PTPRA: variants seen among roughly 807,000 people sequenced by gnomAD.
PTPRA encodes the protein receptor-type tyrosine-protein phosphatase alpha.
In PTPRA, 25 loss-of-function variants were observed where a neutral mutation model predicts 104.8. The observed-to-expected ratio is 0.24, with a 90% CI of 0.17 to 0.33. The LOEUF (loss-of-function observed/expected upper bound fraction) is 0.33, where lower values mean the gene tolerates loss of function less well. Among genes scored for constraint, PTPRA ranks in the 10% least tolerant of loss-of-function variants. The pLI is 1.00. For missense variants in PTPRA, 765 were observed against 1,015.3 expected, an observed-to-expected ratio of 0.75 and a Z score of 3.35; for synonymous variants, 323 against 368.9, an observed-to-expected ratio of 0.88 and a Z score of 1.43.
intron 5 of PTPRA, among the ~76,000 whole-genome samples, chr20:2,974,496 G>A (rs964478870): frequency 3.3e-5 from 5 of 151,098 alleles, no homozygotes; most frequent in Admixed American, 2.0e-4. Context: ...GCATGATCTC[G>A]GCTCACTGCA....
chr20:3,019,627 C>T lies in PTPRA; in HGVS notation c.1042-1682C>T, dbSNP rs562185981. 2.2e-4 allele frequency among the ~76,000 whole-genome samples: 30 copies of T among 139,534 alleles called. No individual in the cohort carries two copies. In the East Asian group the frequency reaches 4.0e-3, roughly 19 times the overall value. The allele number at this position is 139,534 out of a possible 152,430, so 91.5% of individuals were successfully genotyped here. A position where few individuals can be genotyped will look rare whatever the true frequency, so the allele number is the denominator to read the frequency against. Reference sequence around the variant, plus strand: ...GCAGAGGGGCTCCTCACATCCCAGACGATGGGCGGCCGGGCAGAGACGCTC... The same window carrying T: ...GCAGAGGGGCTCCTCACATCCCAGATGATGGGCGGCCGGGCAGAGACGCTC... On this transcript the variant is annotated intron_variant, in intron 13 of 23. Coordinates refer to ENST00000399903, the MANE Select transcript of PTPRA (RefSeq NM_001385305.1).
intron 11 of PTPRA, among the ~76,000 whole-genome samples, chr20:3,010,236 C>T (rs375183498): frequency 6.6e-6 from 1 of 152,104 alleles, no homozygotes; most frequent in Non-Finnish European, 1.5e-5. Flanking sequence ...GACATACTTA[C>T]AAAACCAGGT....
chr20:2,867,650 G>C, the PTPRA span, among the ~76,000 whole-genome samples: 8 of 152,258 alleles, frequency 5.3e-5, no homozygotes, highest in African/African-American at 1.9e-4. Flanking sequence ...TTCATGCCCA[G>C]GGCCCCACCC....
In PTPRA at chr20:3,035,995, G is replaced by T; in HGVS notation, c.2198+54G>T. The T allele has an allele frequency of 6.2e-7, 1 of 1,609,810 alleles. No homozygotes were observed. The highest frequency in any genetic ancestry group is 8.5e-7 in the Non-Finnish European group (1 of 1,178,408). ...GAGAGAAAGCGAGGAGGGGCAGATA[G>T]GGGAAGCTGATGACCATGGGTCAGA... On this transcript the variant is annotated intron_variant, in intron 22 of 23. Coordinates refer to ENST00000399903, the MANE Select transcript of PTPRA (RefSeq NM_001385305.1). The surrounding 1 kb of genome is among the most constrained non-coding windows in gnomAD (Gnocchi z 5.8).
intron 5 of PTPRA, among the ~76,000 whole-genome samples, chr20:2,971,349 G>A (rs1444434744): frequency 2.6e-5 from 4 of 151,852 alleles, no homozygotes; most frequent in Non-Finnish European, 5.9e-5. Context: ...AATTATAAAT[G>A]GAGCATTTTC....
At chr20:2,892,712 T>C (rs1471441686) in intron 1 of PTPRA, among the ~76,000 whole-genome samples, 27 of 152,222 alleles carry the variant, frequency 1.8e-4, no homozygotes, top group Non-Finnish European at 2.2e-4. Flanking sequence ...ATGCATTTCC[T>C]ACTTAAACGA....
chr20:3,027,112 T>C lies in PTPRA; in HGVS notation c.1709-9T>C, dbSNP rs765071184. ...ATTGGCTAGCCATAAGCCGCTATTC[T>C]TCTTACAGATGAATTCAACAGAGTG... On this transcript the variant is annotated splice_polypyrimidine_tract_variant and intron_variant, in intron 18 of 23. Transcript: ENST00000399903. The C allele has an allele frequency of 2.5e-6, 4 of 1,613,028 alleles. No individual in the cohort carries two copies. Among genetic ancestry groups the C allele is most frequent in the Non-Finnish European group, 2.5e-6 (3 of 1,179,344 alleles).
At chr20:2,956,924 G>A (rs1354234506) in intron 3 of PTPRA, among the ~76,000 whole-genome samples, 1 of 152,184 alleles carries the variant, frequency 6.6e-6, no homozygotes, top group African/African-American at 2.4e-5. Context: ...GAGAGTACCT[G>A]TTTACTCAAA....
At chr20:2,902,027 A>C (rs2059257769) in intron 1 of PTPRA, among the ~76,000 whole-genome samples, 1 of 151,910 alleles carries the variant, frequency 6.6e-6, no homozygotes, top group African/African-American at 2.4e-5. Context: ...CTGGGACTAC[A>C]GGTGAGCATT....
At position 2,929,457 on chromosome 20, in the gene PTPRA, G is replaced by A. The variant is rs143221664; in HGVS notation, c.-50+6172G>A. Reference sequence around the variant, plus strand: ...TCCCATCCCTTCTTTTGAACACTGTGTGGTCATTAATGAGAGTGTGGTAGG... The same window carrying A: ...TCCCATCCCTTCTTTTGAACACTGTATGGTCATTAATGAGAGTGTGGTAGG... On this transcript the variant is annotated intron_variant, in intron 2 of 23. Transcript: ENST00000399903. Among the ~76,000 whole-genome samples the A allele has an allele frequency of 1.7e-3, 264 of 152,258 alleles. 3 individuals are homozygous for A. Among genetic ancestry groups the A allele is most frequent in the African/African-American group, 4.1e-3 (170 of 41,550 alleles).
chr20:2,881,979 G>A (rs2090076451), intron 1 of PTPRA, among the ~76,000 whole-genome samples: 1 of 152,134 alleles, frequency 6.6e-6, no homozygotes, highest in East Asian at 1.9e-4. Context: ...CAGCCTGGGA[G>A]ACAGAGCGAG....
chr20:2,998,283 G>A (rs983302226), intron 9 of PTPRA, among the ~76,000 whole-genome samples: 5 of 151,756 alleles, frequency 3.3e-5, no homozygotes, highest in African/African-American at 9.7e-5. Flanking sequence ...TCTGTGCGAT[G>A]TGAGATGTGA....
In PTPRA at chr20:2,978,356, G is replaced by T. The variant is rs2062529076; in HGVS notation, c.442+3115G>T. ...AATCCAATGAATATTGCTGTTTTTAGAGCCAATAGGAAACATTTAAAACAA... is the reference window on the plus strand; with the variant it reads ...AATCCAATGAATATTGCTGTTTTTATAGCCAATAGGAAACATTTAAAACAA... On this transcript the variant is annotated intron_variant, in intron 6 of 23. Transcript: ENST00000399903. Among the ~76,000 whole-genome samples, 10 of 152,274 alleles carry T rather than the reference G, an allele frequency of 6.6e-5. No homozygotes were observed. The South Asian group carries it at 2.1e-3, about 32-fold the overall frequency.
chr20:3,027,060 T>C, intron 18 of PTPRA, 61 bp from the exon 19 acceptor site: 3 of 1,537,560 alleles, frequency 2.0e-6, no homozygotes, highest in Non-Finnish European at 2.7e-6. Context: ...GTGGGAGCAA[T>C]GCAAGGAGAG....
rs549787503 is a variant in PTPRA at position 3,035,429 on chromosome 20, G to A, written c.1921-156G>A. 6.6e-6 allele frequency among the ~76,000 whole-genome samples: 1 copy of A among 152,320 alleles called. No homozygotes were observed. Among genetic ancestry groups the A allele is most frequent in the Admixed American group, 6.5e-5 (1 of 15,302 alleles). ...AGGATCGGAGGTTAATTGGAATGAT[G>A]TGATATAATGATCCTGCAAGTTTTC... is the stretch of plus-strand genomic sequence containing the variant. On this transcript the variant is annotated intron_variant, in intron 20 of 23. Transcript: ENST00000399903. This position sits in a 1 kb window ranked among gnomAD's most constrained non-coding sequence, Gnocchi z 5.8.
chr20:2,971,262 A>T (rs1180895335), intron 5 of PTPRA, among the ~76,000 whole-genome samples: 1 of 152,184 alleles, frequency 6.6e-6, no homozygotes, highest in African/African-American at 2.4e-5. Flanking sequence ...CATCTTACAG[A>T]TGTTGAGTCT....
chr20:2,886,320 T>C lies in PTPRA; in HGVS notation c.-129+12560T>C, dbSNP rs182273479. 3.9e-5 allele frequency among the ~76,000 whole-genome samples: 6 copies of C among 152,324 alleles called. No homozygotes were observed. The East Asian group carries it at 1.2e-3, about 29-fold the overall frequency. ...TACTGAAGTATTTTGGATGAAATGA[T>C]GTTGATATCTGGAATTTGCTTTAAA... On this transcript the variant is annotated intron_variant, in intron 1 of 23. Coordinates refer to ENST00000399903, the MANE Select transcript of PTPRA (RefSeq NM_001385305.1).
intron 20 of PTPRA, among the ~76,000 whole-genome samples, chr20:3,029,479 A>G (rs1363324515): frequency 2.1e-5 from 3 of 141,232 alleles, no homozygotes; most frequent in Admixed American, 7.3e-5. Context: ...CTCATTAGCT[A>G]TTCTTCCTAG....
chr20:2,985,868 C>A (rs2062877396), intron 6 of PTPRA, among the ~76,000 whole-genome samples: 1 of 149,800 alleles, frequency 6.7e-6, no homozygotes, highest in African/African-American at 2.5e-5. Context: ...CATGAGCCGC[C>A]ACACCCAGCT....
Sources: allele counts gnomAD v4.1 joint callset (sites outside exome capture counted in the v4.1 genomes callset), GRCh38; gene constraint gnomAD v4.1.1; non-coding constraint Gnocchi (gnomAD v3.1); transcripts MANE v1.5; gene names NCBI Gene and HGNC (gene_info 2026-07-23, HGNC 2026-07-21).